The following RAB2A variants were observed in gnomAD, a reference collection of about 807,000 sequenced individuals.
The protein encoded by RAB2A is RAB2A, member RAS oncogene family.
In RAB2A, 7 loss-of-function variants were observed where a neutral mutation model predicts 32.5. That is an observed-to-expected ratio of 0.22 (90% CI 0.12 to 0.40). RAB2A has a LOEUF of 0.40. Ranked by LOEUF, RAB2A falls within the 10% of genes least tolerant of loss-of-function variation. The pLI is 1.00. For synonymous variants in RAB2A, 79 were observed against 85.2 expected (o/e 0.93, Z 0.40); for missense variants, 108 against 260.7 (o/e 0.41, Z 4.03).
At chr8:60,537,361 A>G (rs1437828458) in intron 1 of RAB2A, among the ~76,000 whole-genome samples, 2 of 152,122 alleles carry the variant, frequency 1.3e-5, no homozygotes, top group Non-Finnish European at 2.9e-5. Context: ...AGCTGGGATT[A>G]GAGGCATGTG....
intron 6 of RAB2A, among the ~76,000 whole-genome samples, chr8:60,600,344 A>G (rs142273538): frequency 3.9e-5 from 6 of 152,302 alleles, no homozygotes; most frequent in African/African-American, 1.2e-4. Context: ...AAAACACCCA[A>G]TGAGCTGTCA....
At chr8:60,606,144 G>A (rs999604732) in intron 6 of RAB2A, among the ~76,000 whole-genome samples, 9 of 150,760 alleles carry the variant, frequency 6.0e-5, no homozygotes, top group East Asian at 3.9e-4. Flanking sequence ...GTGAGACTCC[G>A]TCTTAGAAAA....
At chr8:60,579,023 G>GT (rs1803689319) in intron 3 of RAB2A, among the ~76,000 whole-genome samples, 1 of 147,866 alleles carries the variant, frequency 6.8e-6, no homozygotes, top group South Asian at 2.1e-4. Context: ...TTTTGTGAAT[G>GT]TTTTTTTGTT....
At chr8:60,529,747 T>C (rs1807447766) in intron 1 of RAB2A, among the ~76,000 whole-genome samples, 3 of 152,222 alleles carry the variant, frequency 2.0e-5, no homozygotes, top group South Asian at 2.1e-4. Context: ...TTGACTATAC[T>C]GCAGTTTTCT....
intron 1 of RAB2A, among the ~76,000 whole-genome samples, chr8:60,538,069 T>G (rs958794545): frequency 1.3e-5 from 2 of 152,224 alleles, no homozygotes; most frequent in Non-Finnish European, 1.5e-5. Context: ...TTCCATGAGT[T>G]GGGAGGAAGA....
intron 6 of RAB2A, among the ~76,000 whole-genome samples, chr8:60,600,634 C>T (rs151236962): frequency 6.6e-6 from 1 of 152,208 alleles, no homozygotes; most frequent in African/African-American, 2.4e-5. Context: ...TTCAGAATGG[C>T]CAAAAACTGG....
intron 1 of RAB2A, among the ~76,000 whole-genome samples, chr8:60,532,732 AT>A (rs1276439898): frequency 1.2e-4 from 18 of 152,266 alleles, no homozygotes; most frequent in African/African-American, 4.1e-4. Flanking sequence ...CTGGTCTCAA[AT>A]TCCCGGGCTC....
rs567713444 is a variant in RAB2A, at chr8:60,620,046, G to A, written c.544-628G>A. On this transcript the variant is annotated intron_variant, in intron 7 of 7. Transcript: ENST00000262646. Reference sequence around the variant, plus strand: ...CTATAAATCTGAGATTTACTGTGACGTAAAGTTTCCTTAAGAGCTTAATTT... The same window carrying A: ...CTATAAATCTGAGATTTACTGTGACATAAAGTTTCCTTAAGAGCTTAATTT... 4.6e-5 allele frequency among the ~76,000 whole-genome samples: 7 copies of A among 152,334 alleles called. No individual in the cohort carries two copies. The East Asian group carries it at 1.2e-3, about 25-fold the overall frequency.
chr8:60,558,810 T>A, intron 1 of RAB2A, 42 bp from the exon 2 acceptor site: 1 of 1,511,960 alleles, frequency 6.6e-7, no homozygotes, highest in Non-Finnish European at 9.2e-7. Context: ...CATCTTAATT[T>A]CTGTGAATTT....
intron 5 of RAB2A, among the ~76,000 whole-genome samples, chr8:60,585,941 T>C (rs1373712124): frequency 6.6e-6 from 1 of 152,168 alleles, no homozygotes; most frequent in Non-Finnish European, 1.5e-5. Context: ...AGTTAACTTC[T>C]CTCTCTGCAG....
At chr8:60,526,257 T>C (rs1807386934) in intron 1 of RAB2A, among the ~76,000 whole-genome samples, 1 of 152,004 alleles carries the variant, frequency 6.6e-6, no homozygotes. Flanking sequence ...CATGAAACTG[T>C]AGGGCTGAGA....
intron 5 of RAB2A, among the ~76,000 whole-genome samples, chr8:60,590,275 TA>T (rs1212982826): frequency 4.0e-5 from 6 of 151,408 alleles, no homozygotes; most frequent in South Asian, 2.1e-4. Context: ...TTTCTTTTTT[TA>T]AAAAAAAATT....
At chr8:60,547,038 C>G (rs1349290433) in intron 1 of RAB2A, among the ~76,000 whole-genome samples, 1 of 151,102 alleles carries the variant, frequency 6.6e-6, no homozygotes, top group African/African-American at 2.4e-5. Context: ...GCAGAGGACC[C>G]TGCGGCCTTC....
At chr8:60,584,664 T>C (rs1803819519) in intron 4 of RAB2A, 59 bp from the exon 5 acceptor site, 2 of 1,369,098 alleles carry the variant, frequency 1.5e-6, no homozygotes, top group African/African-American at 1.5e-5. Context: ...TGTATATTGT[T>C]CGTTGTATAC....
At chr8:60,553,651 A>G (rs1387764449) in intron 1 of RAB2A, among the ~76,000 whole-genome samples, 2 of 152,170 alleles carry the variant, frequency 1.3e-5, no homozygotes, top group Non-Finnish European at 1.5e-5. Context: ...GATTTCCTCC[A>G]TTTTATAGAT....
chr8:60,549,025 C>T (rs1243552971), intron 1 of RAB2A, among the ~76,000 whole-genome samples: 2 of 150,334 alleles, frequency 1.3e-5, no homozygotes, highest in Non-Finnish European at 3.0e-5. Flanking sequence ...GAGGTGCTCC[C>T]CACATCTCAG....
chr8:60,537,704 T>G (rs1807579196), intron 1 of RAB2A, among the ~76,000 whole-genome samples: 1 of 152,160 alleles, frequency 6.6e-6, no homozygotes, highest in African/African-American at 2.4e-5. Context: ...TTTATTTTAT[T>G]TATTTTCAGG....
Position 60,517,299 on chromosome 8 carries a change from C to T in RAB2A, c.46+46C>T, listed in dbSNP as rs774294116. ...CGGGCGGGTGTCGGCGGCCTCCGGA[C>T]CCGGGCTGAGGGGCAAACGGCGTCT... On this transcript the variant is annotated intron_variant, in intron 1 of 7. Transcript: ENST00000262646. 5 of 1,463,302 alleles carry T rather than the reference C, an allele frequency of 3.4e-6. No homozygotes were observed. The South Asian group carries it at 6.6e-5, about 19-fold the overall frequency. The allele number at this position is 1,463,302 out of a possible 1,614,324, so 90.6% of individuals were successfully genotyped here. A position where few individuals can be genotyped will look rare whatever the true frequency, so the allele number is the denominator to read the frequency against.
intron 1 of RAB2A, among the ~76,000 whole-genome samples, chr8:60,525,097 A>C (rs1807358716): frequency 1.3e-5 from 2 of 152,230 alleles, no homozygotes; most frequent in African/African-American, 4.8e-5. Flanking sequence ...GGGGCAAATT[A>C]TCTTAGTAGA....
Sources: allele counts gnomAD v4.1 joint callset (sites outside exome capture counted in the v4.1 genomes callset), GRCh38; gene constraint gnomAD v4.1.1; transcripts MANE v1.5; gene names NCBI Gene and HGNC (gene_info 2026-07-23, HGNC 2026-07-21).